Variants in CSMD3 observed in about 807,000 individuals in gnomAD.
The protein encoded by CSMD3 is CUB and Sushi multiple domains 3.
Under a neutral mutation model 435.2 loss-of-function variants are expected in CSMD3, and 177 were observed. The observed-to-expected ratio is 0.41, with a 90% CI of 0.36 to 0.46. The LOEUF (loss-of-function observed/expected upper bound fraction) is 0.46. Ranked by LOEUF, CSMD3 falls within the 20% of genes least tolerant of loss-of-function variation. CSMD3 has a pLI of 0.34. For missense variants in CSMD3, 4,265 were observed against 4,504.6 expected, an observed-to-expected ratio of 0.95 and a Z score of 1.52; for synonymous variants, 1,656 against 1,520.5, an observed-to-expected ratio of 1.09 and a Z score of -2.07.
chr8:112,608,320 C>T (rs759953223), intron 22 of CSMD3, among the ~76,000 whole-genome samples: 1 of 151,928 alleles, frequency 6.6e-6, no homozygotes, highest in Non-Finnish European at 1.5e-5. Context: ...AATTAACATC[C>T]TGTGTTCATG....
chr8:112,703,715 T>G (rs2131886967), intron 13 of CSMD3, among the ~76,000 whole-genome samples: 1 of 152,224 alleles, frequency 6.6e-6, no homozygotes, highest in Admixed American at 6.5e-5. Context: ...GGGAATCTCA[T>G]TACCTCAGCA....
intron 11 of CSMD3, among the ~76,000 whole-genome samples, chr8:112,830,212 G>C (rs2079829476): frequency 6.6e-6 from 1 of 152,134 alleles, no homozygotes; most frequent in Non-Finnish European, 1.5e-5. Flanking sequence ...TTAACATGCA[G>C]AAACAGAGTG....
intron 5 of CSMD3, among the ~76,000 whole-genome samples, chr8:113,065,553 A>ATT (rs570348184): frequency 6.6e-6 from 1 of 151,498 alleles, no homozygotes; most frequent in Non-Finnish European, 1.5e-5. Context: ...CGCCTGGCTA[A>ATT]TTTTTTTTGT....
In CSMD3 at chr8:113,314,628, T is replaced by A; in HGVS notation, c.344A>T (p.Glu115Val). 1 of 1,611,078 alleles carries A rather than the reference T, an allele frequency of 6.2e-7. No individual in the cohort carries two copies. Among genetic ancestry groups the A allele is most frequent in the Non-Finnish European group, 8.5e-7 (1 of 1,177,434 alleles). Residue 115 changes from glutamate (E) to valine (V), a missense_variant, in exon 2 of 71, where the codon GAA becomes GTA. Transcript: ENST00000297405. ...ATCATATAATGATAAGTAGTCGTAT[T>A]CTTCTTCTAGAGCAAATGACTGAAA... is the stretch of plus-strand genomic sequence containing the variant. ...IVFQSFALEE[E>V]YDYLSLYDGH...
chr8:113,431,576 C>T (rs1263632683), intron 1 of CSMD3, among the ~76,000 whole-genome samples: 1 of 152,162 alleles, frequency 6.6e-6, no homozygotes, highest in East Asian at 1.9e-4. Context: ...TAAGCCATTT[C>T]GGAAGCCCCT....
chr8:112,622,157 C>T (rs6983512), intron 22 of CSMD3, among the ~76,000 whole-genome samples: 83,835 of 151,936 alleles, frequency 0.55, 23,403 homozygotes, highest in African/African-American at 0.6. Flanking sequence ...AGGGAATACC[C>T]GTTTCTGCAT....
intron 3 of CSMD3, among the ~76,000 whole-genome samples, chr8:113,236,740 C>T (rs930212775): frequency 6.6e-6 from 1 of 152,082 alleles, no homozygotes; most frequent in Non-Finnish European, 1.5e-5. Flanking sequence ...TTGCAGACAG[C>T]CTGTTGTGGG....
At chr8:113,352,406 G>A (rs774962679) in intron 1 of CSMD3, among the ~76,000 whole-genome samples, 6 of 151,986 alleles carry the variant, frequency 3.9e-5, no homozygotes, top group African/African-American at 4.8e-5. Context: ...GATTCTCCCC[G>A]AGAACCTTCA....
intron 3 of CSMD3, among the ~76,000 whole-genome samples, chr8:113,200,051 T>A (rs1275722610): frequency 6.6e-6 from 1 of 151,954 alleles, no homozygotes; most frequent in East Asian, 1.9e-4. Flanking sequence ...TCCATTTAGA[T>A]GCCTCATGGG....
rs192479355 is a variant in CSMD3 at position 112,450,014 on chromosome 8, G to A, written c.5395+22577C>T. Among the ~76,000 whole-genome samples the A allele has an allele frequency of 9.9e-4, 150 of 152,244 alleles. 1 individual carries two copies. Among genetic ancestry groups the A allele is most frequent in the Middle Eastern group, 3.4e-3 (1 of 294 alleles). ...TCTGGGATTACAGGCATGAACCACC[G>A]TGCCTGGCCAATCATTCCTATTACA... On this transcript the variant is annotated intron_variant, in intron 32 of 70. Coordinates refer to ENST00000297405, the MANE Select transcript of CSMD3 (RefSeq NM_198123.2).
At chr8:112,502,897 T>C (rs1378423140) in intron 30 of CSMD3, among the ~76,000 whole-genome samples, 1 of 152,156 alleles carries the variant, frequency 6.6e-6, no homozygotes, top group Non-Finnish European at 1.5e-5. Context: ...AATTGAAAAA[T>C]AAATTTAAAT....
intron 5 of CSMD3, among the ~76,000 whole-genome samples, chr8:113,048,326 C>T (rs1046174754): frequency 2.0e-5 from 3 of 152,104 alleles, no homozygotes; most frequent in Non-Finnish European, 4.4e-5. Flanking sequence ...ATCTCCTGAC[C>T]ATGTGATCCG....
chr8:112,309,628 T>C (rs1403113016), intron 50 of CSMD3, among the ~76,000 whole-genome samples: 2 of 152,114 alleles, frequency 1.3e-5, no homozygotes, highest in Non-Finnish European at 2.9e-5. Flanking sequence ...CTGCATGAAG[T>C]AAATGCCTTC....
chr8:112,888,783 C>T (rs573160026), intron 10 of CSMD3, among the ~76,000 whole-genome samples: 21 of 151,696 alleles, frequency 1.4e-4, no homozygotes, highest in African/African-American at 5.1e-4. Context: ...ATTTTTCTTT[C>T]CCAGGTGTCA....
intron 1 of CSMD3, among the ~76,000 whole-genome samples, chr8:113,346,642 T>G (rs2094153311): frequency 6.6e-6 from 1 of 152,116 alleles, no homozygotes; most frequent in South Asian, 2.1e-4. Context: ...TTACCCTGCC[T>G]GTTTAGAATA....
At chr8:112,296,044 ATTTG>A (rs1236966009) in intron 53 of CSMD3, 38 bp from the exon 54 acceptor site, 3 of 1,480,138 alleles carry the variant, frequency 2.0e-6, no homozygotes, top group Non-Finnish European at 2.8e-6. Context: ...TAATACTGTG[ATTTG>A]TTTTATTTGT....
Position 112,336,776 on chromosome 8 carries a change from A to G in CSMD3, c.6895T>C (p.Tyr2299His), listed in dbSNP as rs2130958416. 1 of 1,613,654 alleles carries G rather than the reference A, an allele frequency of 6.2e-7. No individual in the cohort carries two copies. The highest frequency in any genetic ancestry group is 8.5e-7 in the Non-Finnish European group (1 of 1,179,670). Residue 2299 changes from tyrosine to histidine, a missense_variant, in exon 44 of 71, where the codon TAT (tyrosine) becomes CAT (histidine). Transcript: ENST00000297405. ...TGAAAGTTTGGATATTCATCAGGATACCCAGGAGAATAAATGGTGCCATTC... is the reference window on the plus strand; with the variant it reads ...TGAAAGTTTGGATATTCATCAGGATGCCCAGGAGAATAAATGGTGCCATTC... ...AMNGTIYSPG[Y>H]PDEYPNFQDC...
At chr8:113,414,363 T>C (rs993680484) in intron 1 of CSMD3, among the ~76,000 whole-genome samples, 1 of 152,210 alleles carries the variant, frequency 6.6e-6, no homozygotes, top group African/African-American at 2.4e-5. Context: ...TGTTATATCA[T>C]AGTACACTTC....
intron 36 of CSMD3, among the ~76,000 whole-genome samples, chr8:112,385,030 C>T (rs972908933): frequency 5.9e-5 from 9 of 152,068 alleles, no homozygotes; most frequent in Non-Finnish European, 1.3e-4. Context: ...AAACCATAAG[C>T]TAGATTTAGT....
Sources: allele counts gnomAD v4.1 joint callset (sites outside exome capture counted in the v4.1 genomes callset), GRCh38; gene constraint gnomAD v4.1.1; transcripts MANE v1.5; gene names NCBI Gene and HGNC (gene_info 2026-07-23, HGNC 2026-07-21).